The following COL26A1 variants were observed in gnomAD, a reference collection of about 807,000 sequenced individuals.
COL26A1 encodes the protein collagen type XXVI alpha 1 chain, also known as collagen alpha-1(XXVI) chain.
Under a neutral mutation model 59.3 loss-of-function variants are expected in COL26A1, and 41 were observed. The ratio of observed to expected loss-of-function variants is 0.69; its 90% confidence interval spans 0.54 to 0.90. The LOEUF is 0.90. Among genes scored for constraint, COL26A1 ranks in the 40% least tolerant of loss-of-function variants. The probability of loss-of-function intolerance (pLI) is 0.00; values close to 1 mark genes in which losing one functional copy is unlikely to be tolerated. For synonymous variants in COL26A1, 266 were observed against 256.0 expected (o/e 1.04, Z -0.37); for missense variants, 612 against 602.3 (o/e 1.02, Z -0.17).
intron 5 of COL26A1, among the ~76,000 whole-genome samples, chr7:101,540,436 G>T (rs1231135022): frequency 6.6e-6 from 1 of 151,650 alleles, no homozygotes; most frequent in African/African-American, 2.4e-5. Flanking sequence ...TACTCAGGAG[G>T]CTGAGGCAGG....
intron 11 of COL26A1, among the ~76,000 whole-genome samples, chr7:101,555,480 G>C (rs1039921275): frequency 1.3e-5 from 2 of 152,192 alleles, no homozygotes; most frequent in Admixed American, 6.5e-5. Context: ...GGAAGGAAAA[G>C]CTCAGGCTGG....
At chr7:101,473,312 G>T (rs1423034271) in intron 3 of COL26A1, among the ~76,000 whole-genome samples, 1 of 151,986 alleles carries the variant, frequency 6.6e-6, no homozygotes, top group Non-Finnish European at 1.5e-5. Context: ...TCCTGACCTT[G>T]TGATCCGCCC....
At position 101,524,397 on chromosome 7, in the gene COL26A1, C is replaced by T. The variant is rs552001417; in HGVS notation, c.386-8685C>T. ...AGGAAAATCAAGACAATTTATCAGGCACCTACAGCCAGAAAATGCTCTGTT... is the reference window on the plus strand; with the variant it reads ...AGGAAAATCAAGACAATTTATCAGGTACCTACAGCCAGAAAATGCTCTGTT... On this transcript the variant is annotated intron_variant, in intron 3 of 12. Coordinates refer to ENST00000313669, the MANE Select transcript of COL26A1 (RefSeq NM_001278563.3). Among the ~76,000 whole-genome samples the T allele has an allele frequency of 2.6e-5, 4 of 152,280 alleles. No homozygotes were observed. The East Asian group carries it at 7.7e-4, about 29-fold the overall frequency.
At chr7:101,466,831 TGTGTGTGA>T (rs1793771715) in intron 3 of COL26A1, among the ~76,000 whole-genome samples, 1 of 117,828 alleles carries the variant, frequency 8.5e-6, no homozygotes, top group East Asian at 2.1e-4. Flanking sequence ...TGTGTGTGTG[TGTGTGTGA>T]GAGAGAGAGA....
intron 3 of COL26A1, among the ~76,000 whole-genome samples, chr7:101,517,709 G>A (rs1166275626): frequency 1.3e-5 from 2 of 151,778 alleles, no homozygotes; most frequent in African/African-American, 4.8e-5. Context: ...CTTGATCCCA[G>A]GGGATAGAAG....
intron 1 of COL26A1, among the ~76,000 whole-genome samples, chr7:101,368,504 A>C (rs1791102834): frequency 6.6e-6 from 1 of 152,242 alleles, no homozygotes; most frequent in East Asian, 1.9e-4. Context: ...CAGTGTGCCC[A>C]GACTAGCAGC....
intron 2 of COL26A1, among the ~76,000 whole-genome samples, chr7:101,431,061 CA>C (rs1354011496): frequency 6.6e-6 from 1 of 152,096 alleles, no homozygotes; most frequent in African/African-American, 2.4e-5. Context: ...CTCAGCCTCC[CA>C]AAGTGCTGGG....
rs376272820 is a variant in COL26A1, at chr7:101,471,625, G to A, written c.385+23838G>A. On this transcript the variant is annotated intron_variant, in intron 3 of 12. Transcript: ENST00000313669. ...GACAGAGTCTCACTCTGTTGCCCAG[G>A]CTGGAGTTCAGTGGCACAGTCTCAG... is the stretch of plus-strand genomic sequence containing the variant. 2.7e-4 allele frequency among the ~76,000 whole-genome samples: 37 copies of A among 138,600 alleles called. No homozygotes were observed. The East Asian group carries it at 6.5e-3, about 24-fold the overall frequency. The allele number at this position is 138,600 out of a possible 152,430, so 90.9% of individuals were successfully genotyped here. A position where few individuals can be genotyped will look rare whatever the true frequency, so the allele number is the denominator to read the frequency against.
intron 3 of COL26A1, among the ~76,000 whole-genome samples, chr7:101,466,841 A>T (rs62464286): frequency 0.018 from 988 of 54,656 alleles, 10 homozygotes; most frequent in African/African-American, 0.057. Flanking sequence ...TGTGTGTGAG[A>T]GAGAGAGATT....
rs183700223 is a variant in COL26A1, at chr7:101,442,621, A to G, written c.282-5063A>G. 1.5e-4 allele frequency among the ~76,000 whole-genome samples: 23 copies of G among 152,296 alleles called. No individual in the cohort carries two copies. The East Asian group carries it at 4.4e-3, about 29-fold the overall frequency. On this transcript the variant is annotated intron_variant, in intron 2 of 12. Coordinates refer to ENST00000313669, the MANE Select transcript of COL26A1 (RefSeq NM_001278563.3). ...GTGTGATGAGGCTTTGTGGTTTGAA[A>G]GGCGTGACTCCCCAGGCTCCTTAGA...
chr7:101,399,060 TTAGGGAGGAC>T (rs1791930613), intron 1 of COL26A1, among the ~76,000 whole-genome samples: 1 of 151,942 alleles, frequency 6.6e-6, no homozygotes, highest in Non-Finnish European at 1.5e-5. Context: ...ATCCCAGCAC[TTAGGGAGGAC>T]GAGGGAGGAG....
chr7:101,471,315 A>T (rs1793892504), intron 3 of COL26A1, among the ~76,000 whole-genome samples: 1 of 152,134 alleles, frequency 6.6e-6, no homozygotes, highest in Non-Finnish European at 1.5e-5. Flanking sequence ...CCACATCACG[A>T]TACACCCTGT....
At chr7:101,439,074 C>G (rs772227766) in intron 2 of COL26A1, among the ~76,000 whole-genome samples, 4 of 152,164 alleles carry the variant, frequency 2.6e-5, no homozygotes, top group Admixed American at 6.5e-5. Flanking sequence ...CAGCTCATTC[C>G]TGGAGTCTGG....
At chr7:101,499,310 G>T (rs998827340) in intron 3 of COL26A1, among the ~76,000 whole-genome samples, 3 of 152,210 alleles carry the variant, frequency 2.0e-5, no homozygotes, top group African/African-American at 7.2e-5. Context: ...GGGAGGCCAA[G>T]GTGGGAGGAT....
At chr7:101,471,204 A>G (rs57396201) in intron 3 of COL26A1, among the ~76,000 whole-genome samples, 5,506 of 152,248 alleles carry the variant, frequency 0.036, 340 homozygotes, top group African/African-American at 0.13. Context: ...CCCACGTGCC[A>G]TAATATCTGT....
intron 3 of COL26A1, among the ~76,000 whole-genome samples, chr7:101,463,166 G>T (rs1481525163): frequency 6.6e-6 from 1 of 152,024 alleles, no homozygotes; most frequent in Non-Finnish European, 1.5e-5. Flanking sequence ...AGATTAAAAA[G>T]GTCTGCAAAT....
At chr7:101,418,142 AGT>A (rs747160265) in intron 1 of COL26A1, among the ~76,000 whole-genome samples, 103 of 151,992 alleles carry the variant, frequency 6.8e-4, no homozygotes, top group Non-Finnish European at 2.2e-4. Flanking sequence ...TGGGATTATG[AGT>A]GTGAGCCACC....
rs760932220 is a variant in COL26A1 at position 101,540,048 on chromosome 7, C to T, written c.603C>T (p.Ala201=). 6.8e-6 allele frequency: 11 copies of T among 1,611,196 alleles called. No individual in the cohort carries two copies. The highest frequency in any genetic ancestry group is 5.5e-5 in the South Asian group (5 of 90,812). Residue 201 remains alanine, a splice_region_variant and synonymous_variant, in exon 5 of 13, where the codon GCC becomes GCT. Transcript: ENST00000313669. ...VPRQRRPTGP[A]GPPGQTGPPG... ...GACAGAGAAGGCCCACGGGCCCAGC[C>T]GGTGAGTGAGGGCTGCAGAGAGGAC...
intron 8 of COL26A1, among the ~76,000 whole-genome samples, chr7:101,548,230 G>A (rs1049941271): frequency 6.6e-6 from 1 of 152,178 alleles, no homozygotes; most frequent in African/African-American, 2.4e-5. Context: ...CTGGGAGCCA[G>A]GCCATGCTGG....
Sources: allele counts gnomAD v4.1 joint callset (sites outside exome capture counted in the v4.1 genomes callset), GRCh38; gene constraint gnomAD v4.1.1; transcripts MANE v1.5; gene names NCBI Gene and HGNC (gene_info 2026-07-23, HGNC 2026-07-21).